Variants in DIP2C observed in about 807,000 individuals in gnomAD.
DIP2C encodes the protein DIP2 acetate--CoA ligase C (putative).
DIP2C carries 33 observed loss-of-function variants against 192.4 expected under a neutral mutation model. That is an observed-to-expected ratio of 0.17 (90% CI 0.13 to 0.23). DIP2C has a LOEUF of 0.23. Among genes scored for constraint, DIP2C ranks in the 10% least tolerant of loss-of-function variants. The probability of loss-of-function intolerance (pLI) is 1.00; values close to 1 mark genes in which losing one functional copy is unlikely to be tolerated. For synonymous variants in DIP2C, 979 were observed against 864.1 expected, an observed-to-expected ratio of 1.13 and a Z score of -2.33; for missense variants, 1,537 against 2,110.1, an observed-to-expected ratio of 0.73 and a Z score of 5.32.
intron 1 of DIP2C, among the ~76,000 whole-genome samples, chr10:562,861 G>T (rs1406717255): frequency 6.6e-6 from 1 of 152,208 alleles, no homozygotes; most frequent in Non-Finnish European, 1.5e-5. Context: ...CAGTGACAGT[G>T]GAAGAGCTGC....
intron 22 of DIP2C, among the ~76,000 whole-genome samples, chr10:361,757 T>C (rs1026889352): frequency 2.0e-5 from 3 of 152,096 alleles, no homozygotes; most frequent in South Asian, 2.1e-4. Flanking sequence ...GCTGTTTACG[T>C]CCCGAGGCGG....
intron 9 of DIP2C, among the ~76,000 whole-genome samples, chr10:404,061 C>G (rs1260424852): frequency 7.3e-6 from 1 of 136,824 alleles, no homozygotes; most frequent in Non-Finnish European, 1.6e-5. Context: ...AAGTTTGGTA[C>G]ATTTTCATCA....
At chr10:586,842 C>A (rs1360668198) in intron 1 of DIP2C, among the ~76,000 whole-genome samples, 2 of 137,118 alleles carry the variant, frequency 1.5e-5, no homozygotes, top group Admixed American at 6.8e-5. Flanking sequence ...TGCTGCCCCC[C>A]ACATTTTGTG....
intron 1 of DIP2C, among the ~76,000 whole-genome samples, chr10:676,732 G>A (rs1830890856): frequency 6.6e-6 from 1 of 152,062 alleles, no homozygotes; most frequent in Non-Finnish European, 1.5e-5. Flanking sequence ...TCTCTATGAG[G>A]AAAATAATAT....
chr10:619,510 A>AGGCCAGGGCCAG (rs1853702588), intron 1 of DIP2C, among the ~76,000 whole-genome samples: 1 of 127,706 alleles, frequency 7.8e-6, no homozygotes, highest in African/African-American at 3.7e-5. Context: ...CACAGGCTTT[A>AGGCCAGGGCCAG]TGCCAGGGCC....
intron 3 of DIP2C, among the ~76,000 whole-genome samples, chr10:461,275 C>A (rs992960782): frequency 1.3e-5 from 2 of 152,156 alleles, no homozygotes; most frequent in African/African-American, 4.8e-5. Flanking sequence ...AGAGTCAAGA[C>A]CCGTTGGTGT....
intron 1 of DIP2C, among the ~76,000 whole-genome samples, chr10:588,191 C>A: frequency 7.1e-6 from 1 of 140,842 alleles, no homozygotes; most frequent in Non-Finnish European, 1.5e-5. Context: ...GGAAACCCCA[C>A]ATCCACACCA....
At chr10:553,886 T>C (rs1330341941) in intron 1 of DIP2C, among the ~76,000 whole-genome samples, 1 of 148,026 alleles carries the variant, frequency 6.8e-6, no homozygotes, top group African/African-American at 2.5e-5. Flanking sequence ...GCAAGAAATA[T>C]ACCTCATAGA....
chr10:344,969 C>T, intron 27 of DIP2C, 30 bp downstream of exon 27: 1 of 1,608,004 alleles, frequency 6.2e-7, no homozygotes, highest in Non-Finnish European at 8.5e-7. Flanking sequence ...AGGCCGTGAG[C>T]AAACCACCTT....
intron 10 of DIP2C, among the ~76,000 whole-genome samples, chr10:398,137 G>A (rs1368559304): frequency 2.0e-5 from 3 of 152,202 alleles, no homozygotes; most frequent in Non-Finnish European, 4.4e-5. Context: ...TCTACATTCT[G>A]TAGACAATCT....
chr10:595,686 C>CG (rs1851660306), intron 1 of DIP2C, among the ~76,000 whole-genome samples: 1 of 152,230 alleles, frequency 6.6e-6, no homozygotes, highest in Admixed American at 6.5e-5. Flanking sequence ...GAAATCCACG[C>CG]GTCCGCAGGA....
At chr10:639,909 C>G (rs141400491) in intron 1 of DIP2C, among the ~76,000 whole-genome samples, 16 of 152,344 alleles carry the variant, frequency 1.1e-4, no homozygotes, top group Admixed American at 6.5e-4. Flanking sequence ...CTCCCCCGCC[C>G]GGCCTGTATC....
At chr10:425,564 A>G (rs369801321) in intron 4 of DIP2C, among the ~76,000 whole-genome samples, 2 of 138,130 alleles carry the variant, frequency 1.4e-5, no homozygotes, top group African/African-American at 5.1e-5. Flanking sequence ...CGGATGATAC[A>G]GCATGACCAG....
chr10:419,025 C>CG, intron 6 of DIP2C, 40 bp downstream of exon 6: 1 of 1,613,680 alleles, frequency 6.2e-7, no homozygotes, highest in Non-Finnish European at 8.5e-7. Context: ...CAGCACAAAC[C>CG]GTTTACCAGA....
At chr10:555,652 A>C (rs1033846083) in intron 1 of DIP2C, among the ~76,000 whole-genome samples, 1 of 152,066 alleles carries the variant, frequency 6.6e-6, no homozygotes, top group Non-Finnish European at 1.5e-5. Flanking sequence ...CGTGAGGGGA[A>C]CCTCCTGGCC....
chr10:595,761 A>C (rs145765080), intron 1 of DIP2C, among the ~76,000 whole-genome samples: 1 of 152,166 alleles, frequency 6.6e-6, no homozygotes, highest in East Asian at 1.9e-4. Context: ...AGGTTTTTTC[A>C]ATAAGGGTTT....
At chr10:578,685 A>T (rs1055928707) in intron 1 of DIP2C, among the ~76,000 whole-genome samples, 4 of 152,206 alleles carry the variant, frequency 2.6e-5, no homozygotes, top group Non-Finnish European at 4.4e-5. Flanking sequence ...GTTGCCATAG[A>T]GCACACACAC....
intron 6 of DIP2C, among the ~76,000 whole-genome samples, chr10:417,638 ATAGG>A (rs1564684477): frequency 0.1 from 1,708 of 16,542 alleles, 139 homozygotes; most frequent in Middle Eastern, 0.22. Context: ...CAGGGCTCGG[ATAGG>A]CCTCCCTGTC....
chr10:638,810 G>A lies in DIP2C; in HGVS notation c.85+50684C>T, dbSNP rs189861858. On this transcript the variant is annotated intron_variant, in intron 1 of 36. Transcript: ENST00000280886. Reference sequence around the variant, plus strand: ...GCAGGGTGCACATATTTAAAATCACGGGAGCACTGGAGTAATGGAAAGAGG... The same window carrying A: ...GCAGGGTGCACATATTTAAAATCACAGGAGCACTGGAGTAATGGAAAGAGG... Among the ~76,000 whole-genome samples, 19 of 152,312 alleles carry A rather than the reference G, an allele frequency of 1.2e-4. No homozygotes were observed. The East Asian group carries it at 2.7e-3, about 22-fold the overall frequency.
Sources: gnomAD v4.1 joint callset for allele counts (sites outside exome capture counted in the v4.1 genomes callset) on GRCh38, gnomAD v4.1.1 for gene constraint, MANE v1.5 for transcripts, NCBI Gene and HGNC (gene_info 2026-07-23, HGNC 2026-07-21) for gene names.